Variants in MINDY3 observed in about 807,000 individuals in gnomAD.
MINDY3 encodes the protein MINDY lysine 48 deubiquitinase 3.
Under a neutral mutation model 69.2 loss-of-function variants are expected in MINDY3, and 38 were observed. That is an observed-to-expected ratio of 0.55 (90% CI 0.42 to 0.72). The LOEUF is 0.72. MINDY3 is among the 30% of genes least tolerant of loss of function. The pLI, the probability that MINDY3 is intolerant of heterozygous loss-of-function variation, is 0.00. For missense variants in MINDY3, 522 were observed against 519.0 expected (o/e 1.01, Z -0.06); for synonymous variants, 192 against 180.1 (o/e 1.07, Z -0.53).
intron 6 of MINDY3, among the ~76,000 whole-genome samples, chr10:15,836,789 T>A: frequency 6.7e-6 from 1 of 150,226 alleles, no homozygotes; most frequent in African/African-American, 2.5e-5. Flanking sequence ...GAAACAAAGC[T>A]ATCAAAGAAA....
In MINDY3 at chr10:15,860,443, C is replaced by G. The variant is rs892477613; in HGVS notation, c.-144G>C. ...GCAGGAAAGAAGAAGGGGCTGAGAGCCACTTGCAGAGACCAAGCCTGTCAA... is the reference window on the plus strand; with the variant it reads ...GCAGGAAAGAAGAAGGGGCTGAGAGGCACTTGCAGAGACCAAGCCTGTCAA... On this transcript the variant is annotated 5_prime_UTR_variant, in exon 1 of 15. Transcript: ENST00000277632. 4.3e-6 allele frequency: 3 copies of G among 692,424 alleles called. No individual in the cohort carries two copies. Among genetic ancestry groups the G allele is most frequent in the African/African-American group, 1.8e-5 (1 of 55,404 alleles). The allele number at this position is 692,424 out of a possible 1,614,324, so 42.9% of individuals were successfully genotyped here. A position where few individuals can be genotyped will look rare whatever the true frequency, so the allele number is the denominator to read the frequency against.
intron 9 of MINDY3, among the ~76,000 whole-genome samples, chr10:15,818,724 G>A (rs1288000223): frequency 5.3e-5 from 8 of 152,136 alleles, no homozygotes; most frequent in Non-Finnish European, 8.8e-5. Flanking sequence ...TAAGTGAAAG[G>A]AGCCAGAAAC....
chr10:15,833,452 G>C (rs963527101), intron 8 of MINDY3, among the ~76,000 whole-genome samples, 178 bp downstream of exon 8: 15 of 152,128 alleles, frequency 9.9e-5, no homozygotes, highest in African/African-American at 1.4e-4. Flanking sequence ...AAGATTGCCT[G>C]GCTCCAAGAT....
Position 15,834,613 on chromosome 10 carries a change from T to C in MINDY3, c.580A>G (p.Ile194Val), listed in dbSNP as rs187883529. 651 of 1,605,770 alleles carry C rather than the reference T, an allele frequency of 4.1e-4. 4 individuals are homozygous for C. Among genetic ancestry groups the C allele is most frequent in the South Asian group, 2.1e-3 (189 of 90,752 alleles). ...TCAATTTCGTTTTTTATGTTTTCAA[T>C]GCCCTAAAGAAACAGAATTCATTGA... ...FLYSVLLTKG[I>V]ENIKNEIEDA... Residue 194 changes from isoleucine (I) to valine (V), a missense_variant, in exon 7 of 15, where the codon ATT becomes GTT. Transcript: ENST00000277632.
chr10:15,806,247 T>A lies in MINDY3; in HGVS notation c.883-10075A>T, dbSNP rs559919737. On this transcript the variant is annotated intron_variant, in intron 10 of 14. Coordinates refer to ENST00000277632, the MANE Select transcript of MINDY3 (RefSeq NM_024948.4). ...GAGAGCAGTCTATATTTTCCTCTTG[T>A]GTCTTCCCTCATGCTATCCAGTAAC... Among the ~76,000 whole-genome samples, 11 of 152,302 alleles carry A rather than the reference T, an allele frequency of 7.2e-5. No homozygotes were observed. In the South Asian group the frequency reaches 2.3e-3, roughly 32 times the overall value.
chr10:15,844,413 T>C lies in MINDY3; in HGVS notation c.175-1141A>G, dbSNP rs562272511. Among the ~76,000 whole-genome samples the C allele has an allele frequency of 1.1e-3, 169 of 152,316 alleles. 1 individual carries two copies. The highest frequency in any genetic ancestry group is 3.8e-3 in the African/African-American group (159 of 41,570). Reference sequence around the variant, plus strand: ...AGCATTTTGACATGCTTCCTTCCCATCTTTTTTAATATCTAGTTTTAATTT... The same window carrying C: ...AGCATTTTGACATGCTTCCTTCCCACCTTTTTTAATATCTAGTTTTAATTT... On this transcript the variant is annotated intron_variant, in intron 2 of 14. Coordinates refer to ENST00000277632, the MANE Select transcript of MINDY3 (RefSeq NM_024948.4).
chr10:15,856,088 CA>C (rs1050013222), intron 1 of MINDY3, among the ~76,000 whole-genome samples: 1 of 150,922 alleles, frequency 6.6e-6, no homozygotes, highest in Admixed American at 6.6e-5. Context: ...CCAAAAACAA[CA>C]AAAAAACTTT....
chr10:15,779,962 T>C (rs965159818), intron 14 of MINDY3, among the ~76,000 whole-genome samples: 14 of 152,212 alleles, frequency 9.2e-5, no homozygotes, highest in Admixed American at 3.9e-4. Flanking sequence ...CTGTGGACAT[T>C]AAGGCACTCC....
chr10:15,832,591 T>G (rs549209326), intron 8 of MINDY3, among the ~76,000 whole-genome samples: 1 of 152,184 alleles, frequency 6.6e-6, no homozygotes, highest in Non-Finnish European at 1.5e-5. Flanking sequence ...AACTCTGACC[T>G]TTACTAGAAA....
In MINDY3 at chr10:15,796,082, G is replaced by T; in HGVS notation, c.955+18C>A. The stretch of plus-strand genomic sequence containing the variant: ...ATATGAAGACATAAAACACAGAGAT[G>T]ATGTTAAAATCTTTTACCTTCTGGG... On this transcript the variant is annotated intron_variant, in intron 11 of 14. Transcript: ENST00000277632. 6.3e-7 allele frequency: 1 copy of T among 1,590,974 alleles called. No individual in the cohort carries two copies. The highest frequency in any genetic ancestry group is 1.1e-5 in the South Asian group (1 of 90,456).
chr10:15,841,491 G>A lies in MINDY3; in HGVS notation c.344C>T (p.Thr115Ile). 6.2e-7 allele frequency: 1 copy of A among 1,612,042 alleles called. No individual in the cohort carries two copies. Among genetic ancestry groups the A allele is most frequent in the Non-Finnish European group, 8.5e-7 (1 of 1,178,576 alleles). The change falls in exon 4 of 15, where the codon ACA becomes ATA. Residue 115 changes from threonine (T) to isoleucine (I), a missense_variant. Transcript: ENST00000277632. ...YCLVSWLRGK[T>I]TEETASISGS... ...AGAAATACTAGCAGTTTCCTCAGTT[G>A]TCTTTCCTCTTAACCATGAAACCAA...
intron 11 of MINDY3, among the ~76,000 whole-genome samples, chr10:15,793,826 TAA>T (rs1407941849): frequency 2.0e-5 from 3 of 152,064 alleles, no homozygotes; most frequent in Non-Finnish European, 4.4e-5. Context: ...TCAGAAATCG[TAA>T]CATTCCACGC....
chr10:15,845,813 ATTTTTTTTTTTTTTT>A (rs891710697), intron 2 of MINDY3, among the ~76,000 whole-genome samples: 8 of 49,306 alleles, frequency 1.6e-4, no homozygotes, highest in African/African-American at 6.0e-4. Context: ...GGCCTATGTG[ATTTTTTTTTTTTTTT>A]TTTTTTTTTT....
At chr10:15,841,321 T>C in intron 4 of MINDY3, 105 bp downstream of exon 4, 5 of 861,934 alleles carry the variant, frequency 5.8e-6, no homozygotes, top group Non-Finnish European at 8.8e-6. Context: ...TGGAAAAGAA[T>C]ACATGTTATG....
At chr10:15,859,812 C>A (rs1312311457) in intron 1 of MINDY3, among the ~76,000 whole-genome samples, 2 of 152,174 alleles carry the variant, frequency 1.3e-5, no homozygotes, top group East Asian at 3.9e-4. Flanking sequence ...AAAAATAGAC[C>A]AACCACCACC....
rs1386948988 is a variant in MINDY3, at chr10:15,860,350, C to T, written c.-51G>A. ...CGCTTTGCGGACTCCTGCCCCGGAA[C>T]ATGGGGAAGGGGCAACTCCGGAAAC... On this transcript the variant is annotated 5_prime_UTR_variant, in exon 1 of 15. The change abolishes an upstream ATG in the 5' untranslated region. Coordinates refer to ENST00000277632, the MANE Select transcript of MINDY3 (RefSeq NM_024948.4). 2 of 1,384,334 alleles carry T rather than the reference C, an allele frequency of 1.4e-6. No homozygotes were observed. Among genetic ancestry groups the T allele is most frequent in the Non-Finnish European group, 1.0e-6 (1 of 991,750 alleles). 85.8% of individuals were successfully genotyped at this position (1,384,334 alleles called of 1,614,324 possible). A position where few individuals can be genotyped will look rare whatever the true frequency, so the allele number is the denominator to read the frequency against.
chr10:15,848,011 G>A (rs766867692), intron 1 of MINDY3, 68 bp from the exon 2 acceptor site: 8 of 1,296,332 alleles, frequency 6.2e-6, no homozygotes, highest in Non-Finnish European at 7.8e-6. Flanking sequence ...AATCTTTCAT[G>A]TACTTTGCTT....
At chr10:15,791,208 G>GCCT (rs1837386200) in intron 11 of MINDY3, among the ~76,000 whole-genome samples, 1 of 152,056 alleles carries the variant, frequency 6.6e-6, no homozygotes, top group African/African-American at 2.4e-5. Flanking sequence ...GATTAGAAGA[G>GCCT]ATTTCAAAAT....
intron 6 of MINDY3, among the ~76,000 whole-genome samples, chr10:15,836,463 A>G (rs1294654678): frequency 6.6e-6 from 1 of 151,996 alleles, no homozygotes; most frequent in Non-Finnish European, 1.5e-5. Flanking sequence ...TATTATTAAT[A>G]CAGACATAGT....
Sources: gnomAD v4.1 joint callset for allele counts (sites outside exome capture counted in the v4.1 genomes callset) on GRCh38, gnomAD v4.1.1 for gene constraint, MANE v1.5 for transcripts, NCBI Gene and HGNC (gene_info 2026-07-23, HGNC 2026-07-21) for gene names.